Variants in DLGAP2 observed in about 807,000 individuals in gnomAD.
DLGAP2 encodes disks large-associated protein 2.
DLGAP2 carries 26 observed loss-of-function variants against 100.3 expected under a neutral mutation model. The ratio of observed to expected loss-of-function variants is 0.26; its 90% CI spans 0.19 to 0.36. The LOEUF (loss-of-function observed/expected upper bound fraction) is 0.36, where lower values mean the gene tolerates loss of function less well. Among genes scored for constraint, DLGAP2 ranks in the 10% least tolerant of loss-of-function variants. DLGAP2 has a pLI of 1.00. For synonymous variants in DLGAP2, 886 were observed against 630.1 expected (o/e 1.41, Z -6.08); for missense variants, 1,858 against 1,453.2 (o/e 1.28, Z -4.53).
intron 2 of DLGAP2, among the ~76,000 whole-genome samples, chr8:1,149,810 G>A (rs1402815257): frequency 3.3e-5 from 5 of 151,716 alleles, no homozygotes; most frequent in East Asian, 1.9e-4. Context: ...CTCTTGACTC[G>A]TCACTTTCAC....
intron 4 of DLGAP2, among the ~76,000 whole-genome samples, chr8:1,515,252 T>G (rs529347385): frequency 6.6e-6 from 1 of 152,270 alleles, no homozygotes; most frequent in South Asian, 2.1e-4. Flanking sequence ...CAAGGTGTCT[T>G]TCTTTCTTTT....
At chr8:802,213 T>C (rs1163639732) in intron 1 of DLGAP2, among the ~76,000 whole-genome samples, 2 of 148,076 alleles carry the variant, frequency 1.4e-5, no homozygotes, top group Non-Finnish European at 1.5e-5. Flanking sequence ...TCCTGGGCCC[T>C]CCATCCTCAT....
At chr8:1,483,975 G>A (rs751961282) in intron 3 of DLGAP2, among the ~76,000 whole-genome samples, 2 of 152,246 alleles carry the variant, frequency 1.3e-5, no homozygotes, top group Admixed American at 6.5e-5. Context: ...TTGCCCATGG[G>A]TTTAGCGTGA....
intron 1 of DLGAP2, among the ~76,000 whole-genome samples, chr8:774,246 T>C (rs1821448881): frequency 1.3e-5 from 2 of 152,368 alleles, no homozygotes. Flanking sequence ...TTCTGGATAT[T>C]AGCCCTTTGT....
chr8:1,333,709 C>A (rs1458700992), intron 3 of DLGAP2, among the ~76,000 whole-genome samples: 2 of 152,190 alleles, frequency 1.3e-5, no homozygotes, highest in African/African-American at 2.4e-5. Flanking sequence ...ATATGTGAGA[C>A]TCGTCTCAAA....
At chr8:1,051,772 C>G (rs1390922366) in intron 2 of DLGAP2, among the ~76,000 whole-genome samples, 1 of 152,070 alleles carries the variant, frequency 6.6e-6, no homozygotes, top group Non-Finnish European at 1.5e-5. Context: ...TCACCTCTGT[C>G]TCATGCCTGC....
At chr8:1,413,138 T>C (rs978085908) in intron 3 of DLGAP2, among the ~76,000 whole-genome samples, 1 of 152,202 alleles carries the variant, frequency 6.6e-6, no homozygotes, top group African/African-American at 2.4e-5. Context: ...TTTGCCCCTC[T>C]GTGTTTTCTA....
intron 1 of DLGAP2, among the ~76,000 whole-genome samples, chr8:889,362 T>C (rs575319858): frequency 6.6e-6 from 1 of 152,274 alleles, no homozygotes; most frequent in African/African-American, 2.4e-5. Context: ...CACATGTGTC[T>C]GGGCTGCCTG....
chr8:1,229,512 G>C (rs1350637379), intron 2 of DLGAP2, among the ~76,000 whole-genome samples: 1 of 151,728 alleles, frequency 6.6e-6, no homozygotes, highest in African/African-American at 2.4e-5. Context: ...TGTGTGTGTA[G>C]AGGTTTCATA....
intron 2 of DLGAP2, among the ~76,000 whole-genome samples, chr8:1,254,202 A>G (rs1295379594): frequency 6.6e-6 from 1 of 152,122 alleles, no homozygotes; most frequent in East Asian, 1.9e-4. Flanking sequence ...CTTCCCTGAA[A>G]TCAGTGCCTC....
At chr8:1,416,490 T>G (rs1796887011) in intron 3 of DLGAP2, among the ~76,000 whole-genome samples, 1 of 152,248 alleles carries the variant, frequency 6.6e-6, no homozygotes, top group Non-Finnish European at 1.5e-5. Context: ...TTGCTGCTCC[T>G]GTTTCCTAAG....
intron 2 of DLGAP2, among the ~76,000 whole-genome samples, chr8:1,146,799 C>T (rs533747920): frequency 1.3e-5 from 2 of 152,342 alleles, no homozygotes; most frequent in African/African-American, 4.8e-5. Context: ...TGCAGCCTTT[C>T]AGAGTTCAAG....
intron 6 of DLGAP2, among the ~76,000 whole-genome samples, chr8:1,581,541 C>G (rs1416387456): frequency 4.0e-5 from 6 of 150,410 alleles, no homozygotes; most frequent in African/African-American, 1.5e-4. Context: ...CATCTACACA[C>G]CACAGTCAAA....
intron 4 of DLGAP2, among the ~76,000 whole-genome samples, chr8:1,533,137 A>G (rs1801038506): frequency 7.5e-6 from 1 of 133,386 alleles, no homozygotes; most frequent in South Asian, 2.3e-4. Context: ...ATTCTAGGGA[A>G]AAAAAAAAAA....
At chr8:1,112,918 G>T (rs555743253) in intron 2 of DLGAP2, among the ~76,000 whole-genome samples, 1 of 152,074 alleles carries the variant, frequency 6.6e-6, no homozygotes, top group Non-Finnish European at 1.5e-5. Flanking sequence ...AATCTTCTAC[G>T]TATGACTAGC....
intron 3 of DLGAP2, among the ~76,000 whole-genome samples, chr8:1,327,297 A>G (rs1474587477): frequency 6.6e-6 from 1 of 152,222 alleles, no homozygotes; most frequent in African/African-American, 2.4e-5. Context: ...TCCACTGCAC[A>G]GCCTCAGAGC....
chr8:1,001,149 T>G (rs1800944530), intron 2 of DLGAP2, among the ~76,000 whole-genome samples: 1 of 152,218 alleles, frequency 6.6e-6, no homozygotes, highest in Non-Finnish European at 1.5e-5. Flanking sequence ...GTGTGCCCCT[T>G]TTTCTTGTAT....
intron 2 of DLGAP2, among the ~76,000 whole-genome samples, chr8:1,173,496 C>T (rs752412507): frequency 6.6e-6 from 1 of 152,216 alleles, no homozygotes; most frequent in Non-Finnish European, 1.5e-5. Context: ...GTGTAGCCTA[C>T]AGAGGCAGGC....
At chr8:1,621,302 G>T (rs1797328188) in intron 6 of DLGAP2, 1 of 152,846 alleles carries the variant, frequency 6.5e-6, no homozygotes, top group East Asian at 1.9e-4. Flanking sequence ...CAGCTGCACT[G>T]GGACCAGGGC....
Sources: allele counts gnomAD v4.1 joint callset (sites outside exome capture counted in the v4.1 genomes callset), GRCh38; gene constraint gnomAD v4.1.1; transcripts MANE v1.5; gene names NCBI Gene and HGNC (gene_info 2026-07-23, HGNC 2026-07-21).